The following TMPRSS2 variants were observed in gnomAD, a reference collection of about 807,000 sequenced individuals.
TMPRSS2 encodes the protein transmembrane protease serine 2.
TMPRSS2 carries 59 observed loss-of-function variants against 67.4 expected under a neutral mutation model. The ratio of observed to expected loss-of-function variants is 0.88; its 90% CI spans 0.71 to 1.09. The LOEUF is 1.09. Ranked by LOEUF, TMPRSS2 falls within the 50% of genes least tolerant of loss-of-function variation. The pLI, the probability that TMPRSS2 is intolerant of heterozygous loss-of-function variation, is 0.00. For synonymous variants in TMPRSS2, 257 were observed against 257.0 expected, an observed-to-expected ratio of 1.00 and a Z score of 0.00; for missense variants, 668 against 642.7, an observed-to-expected ratio of 1.04 and a Z score of -0.43.
chr21:41,480,243 T>A (rs734055), intron 6 of TMPRSS2, among the ~76,000 whole-genome samples: 170 of 151,686 alleles, frequency 1.1e-3, no homozygotes, highest in Middle Eastern at 0.01. Flanking sequence ...CAACCAGGAG[T>A]CTATAGAGGC....
chr21:41,475,756 G>A (rs2091207417), intron 8 of TMPRSS2, among the ~76,000 whole-genome samples: 1 of 150,786 alleles, frequency 6.6e-6, no homozygotes, highest in East Asian at 2.0e-4. Context: ...TGAGGGGTGA[G>A]TGAGGTCTGC....
At chr21:41,473,274 G>A (rs2091150712) in intron 9 of TMPRSS2, 51 bp downstream of exon 9, 2 of 1,518,404 alleles carry the variant, frequency 1.3e-6, no homozygotes, top group African/African-American at 1.4e-5. Context: ...TCACAGGGTG[G>A]CTGTAGGCCA....
chr21:41,490,983 C>T (rs1355954401), intron 3 of TMPRSS2, among the ~76,000 whole-genome samples: 1 of 152,158 alleles, frequency 6.6e-6, no homozygotes, highest in Non-Finnish European at 1.5e-5. Flanking sequence ...TCAGAGCTGA[C>T]CCATCTGCTG....
chr21:41,488,586 C>T (rs997941898), intron 4 of TMPRSS2, 73 bp from the exon 5 acceptor site: 10 of 1,501,168 alleles, frequency 6.7e-6, no homozygotes, highest in African/African-American at 4.1e-5. Context: ...TGAGGAACAC[C>T]GTGGCATTAC....
At chr21:41,469,655 C>A (rs1417723042) in intron 11 of TMPRSS2, among the ~76,000 whole-genome samples, 14 of 152,136 alleles carry the variant, frequency 9.2e-5, no homozygotes, top group Non-Finnish European at 1.5e-5. Context: ...TCAAAATAGC[C>A]GGGACCTTGT....
At chr21:41,507,289 C>G (rs1370513011) in intron 1 of TMPRSS2, among the ~76,000 whole-genome samples, 2 of 152,186 alleles carry the variant, frequency 1.3e-5, no homozygotes, top group African/African-American at 4.8e-5. Flanking sequence ...ACCGAAGCGC[C>G]CAGGTGCCCC....
chr21:41,497,467 G>A (rs900544468), intron 2 of TMPRSS2, among the ~76,000 whole-genome samples: 1 of 152,196 alleles, frequency 6.6e-6, no homozygotes, highest in Non-Finnish European at 1.5e-5. Flanking sequence ...AAGCAGGTTT[G>A]TCCCTGAAAA....
chr21:41,473,343 G>C lies in TMPRSS2; in HGVS notation c.881C>G (p.Ala294Gly). ...SIITPEWIVT[A>G]AHCVEKPLNN... is the part of the protein sequence containing the mutation. Reference sequence around the variant, plus strand: ...GGCATACTTTTCCACGCAGTGGGCGGCTGTCACGATCCACTCGGGGGTGAT... The same window carrying C: ...GGCATACTTTTCCACGCAGTGGGCGCCTGTCACGATCCACTCGGGGGTGAT... The change falls in exon 9 of 14, where the codon GCC becomes GGC. Residue 294 changes from alanine to glycine, a missense_variant. By Grantham distance (60) the Ala-to-Gly change is moderately conservative (BLOSUM62 0). Transcript: ENST00000332149. 1 of 1,602,906 alleles carries C rather than the reference G, an allele frequency of 6.2e-7. No individual in the cohort carries two copies. Among genetic ancestry groups the C allele is most frequent in the Middle Eastern group, 2.1e-4 (1 of 4,772 alleles).
rs181793632 is a variant in TMPRSS2, at chr21:41,476,336, G to C, written c.727+241C>G. Among the ~76,000 whole-genome samples, 14 of 152,298 alleles carry C rather than the reference G, an allele frequency of 9.2e-5. No individual in the cohort carries two copies. In the East Asian group the frequency reaches 2.7e-3, roughly 29 times the overall value. Reference sequence around the variant, plus strand: ...TGGCATAAAGTGTAGGGCTTTGTCAGCTTCTTGAGCGTGCCTGATCTCAGG... The same window carrying C: ...TGGCATAAAGTGTAGGGCTTTGTCACCTTCTTGAGCGTGCCTGATCTCAGG... On this transcript the variant is annotated intron_variant, in intron 8 of 13. Coordinates refer to ENST00000332149, the MANE Select transcript of TMPRSS2 (RefSeq NM_005656.4).
In TMPRSS2 at chr21:41,480,697, G is replaced by T. The variant is rs977920595; in HGVS notation, c.446-95C>A. 1.3e-5 allele frequency: 20 copies of T among 1,518,694 alleles called. No homozygotes were observed. In the South Asian group the frequency reaches 2.3e-4, roughly 17 times the overall value. 94.1% of individuals were successfully genotyped at this position (1,518,694 alleles called of 1,614,324 possible). On this transcript the variant is annotated intron_variant, in intron 5 of 13. Coordinates refer to ENST00000332149, the MANE Select transcript of TMPRSS2 (RefSeq NM_005656.4). ...TCTGTCACCTAGGCTGAAGTGCAGTGGTCTGATCTCCACTCACTGCAGCCT... is the reference window on the plus strand; with the variant it reads ...TCTGTCACCTAGGCTGAAGTGCAGTTGTCTGATCTCCACTCACTGCAGCCT...
rs999855497 is a variant in TMPRSS2, at chr21:41,480,457, G to A, written c.572+19C>T. 1.9e-6 allele frequency: 3 copies of A among 1,609,488 alleles called. No homozygotes were observed. The highest frequency in any genetic ancestry group is 1.7e-6 in the Non-Finnish European group (2 of 1,177,700). ...TGCTGTCTGTTACTGTCACTCGGCG[G>A]GTGCTGCCCCATACTCACTTATAGC... is the stretch of plus-strand genomic sequence containing the variant. On this transcript the variant is annotated intron_variant, in intron 6 of 13. Coordinates refer to ENST00000332149, the MANE Select transcript of TMPRSS2 (RefSeq NM_005656.4).
chr21:41,468,795 T>A, intron 11 of TMPRSS2: 1 of 461,632 alleles, frequency 2.2e-6, no homozygotes, highest in Admixed American at 3.3e-5. Flanking sequence ...TCTGAAACTA[T>A]AGGGCTCTAT....
chr21:41,472,310 C>T (rs1409727768), intron 9 of TMPRSS2, among the ~76,000 whole-genome samples: 1 of 152,180 alleles, frequency 6.6e-6, no homozygotes. Context: ...TTCCTTTGTA[C>T]GCCAAAGCAT....
chr21:41,491,285 T>C (rs1346582424), intron 3 of TMPRSS2, among the ~76,000 whole-genome samples: 1 of 151,494 alleles, frequency 6.6e-6, no homozygotes, highest in Non-Finnish European at 1.5e-5. Flanking sequence ...ACCTCTCAAG[T>C]AGCTGGGACC....
At chr21:41,502,527 C>A in intron 1 of TMPRSS2, 1 of 985,402 alleles carries the variant, frequency 1.0e-6, no homozygotes, top group Non-Finnish European at 1.2e-6. Context: ...CCACCATCCA[C>A]GGACACATCC....
intron 5 of TMPRSS2, among the ~76,000 whole-genome samples, chr21:41,483,931 C>T (rs1393692548): frequency 6.6e-6 from 1 of 151,964 alleles, no homozygotes. Flanking sequence ...GAGTTCGAGA[C>T]CAACCCCATC....
chr21:41,485,357 G>A (rs1316794728), intron 5 of TMPRSS2, among the ~76,000 whole-genome samples: 1 of 152,032 alleles, frequency 6.6e-6, no homozygotes, highest in Non-Finnish European at 1.5e-5. Flanking sequence ...AACATCAAAA[G>A]CCATTCCAGG....
At chr21:41,496,767 T>C (rs1238087962) in intron 2 of TMPRSS2, among the ~76,000 whole-genome samples, 1 of 151,384 alleles carries the variant, frequency 6.6e-6, no homozygotes. Context: ...CTTATCTGTA[T>C]CTAAGGGCCC....
intron 9 of TMPRSS2, 32 bp downstream of exon 9, chr21:41,473,293 C>T: frequency 2.6e-6 from 4 of 1,546,400 alleles, no homozygotes; most frequent in Non-Finnish European, 3.5e-6. Flanking sequence ...CAGCCCTGAG[C>T]CCCCACCCGG....
Sources: allele counts gnomAD v4.1 joint callset (sites outside exome capture counted in the v4.1 genomes callset), GRCh38; gene constraint gnomAD v4.1.1; transcripts MANE v1.5; gene names NCBI Gene and HGNC (gene_info 2026-07-23, HGNC 2026-07-21).